The following PCDH15 variants were observed in gnomAD, a reference collection of about 807,000 sequenced individuals.
PCDH15 encodes protocadherin related 15, also known as protocadherin-15.
PCDH15 carries 129 observed loss-of-function variants against 178.5 expected under a neutral mutation model. The observed-to-expected ratio is 0.72, with a 90% confidence interval of 0.63 to 0.84. The LOEUF is 0.84. PCDH15 is among the 40% of genes least tolerant of loss of function. The pLI, the probability that PCDH15 is intolerant of heterozygous loss-of-function variation, is 0.00. For synonymous variants in PCDH15, 800 were observed against 732.0 expected (o/e 1.09, Z -1.50); for missense variants, 2,230 against 2,099.9 (o/e 1.06, Z -1.21).
intron 2 of PCDH15, among the ~76,000 whole-genome samples, chr10:54,618,661 T>G (rs1014500784): frequency 1.3e-5 from 2 of 152,072 alleles, no homozygotes; most frequent in Non-Finnish European, 2.9e-5. Context: ...TCTACTTGAG[T>G]GTGTGTATAT....
chr10:55,522,534 C>A (rs1485380438), intron 2 of PCDH15, among the ~76,000 whole-genome samples: 1 of 151,636 alleles, frequency 6.6e-6, no homozygotes, highest in East Asian at 1.9e-4. Context: ...TTATTATATT[C>A]TCTTAATGAT....
At chr10:54,181,233 T>C (rs552919981) in intron 13 of PCDH15, among the ~76,000 whole-genome samples, 1 of 152,326 alleles carries the variant, frequency 6.6e-6, no homozygotes, top group East Asian at 1.9e-4. Flanking sequence ...GTAGCTCTCA[T>C]GGTCCATCAA....
intron 2 of PCDH15, among the ~76,000 whole-genome samples, chr10:55,085,558 G>T (rs1842148172): frequency 6.6e-6 from 1 of 151,834 alleles, no homozygotes. Context: ...ACCCTGATGT[G>T]ATTATTTTGC....
rs1270961885 is a variant in PCDH15, at chr10:54,183,336, A to C, written c.1590+108T>G. 25 of 1,082,740 alleles carry C rather than the reference A, an allele frequency of 2.3e-5. No homozygotes were observed. In the Admixed American group the frequency reaches 4.1e-4, roughly 18 times the overall value. The allele number at this position is 1,082,740 out of a possible 1,614,324, so 67.1% of individuals were successfully genotyped here. The stretch of plus-strand genomic sequence containing the variant: ...TTTAAACTAATTATGCTATACAATA[A>C]GTGTGAAATCAATTTCTGTTTCTTA... On this transcript the variant is annotated intron_variant, in intron 13 of 37. Transcript: ENST00000644397.
intron 1 of PCDH15, among the ~76,000 whole-genome samples, chr10:54,796,470 GATT>G (rs1396310115): frequency 6.6e-6 from 1 of 150,412 alleles, no homozygotes; most frequent in Admixed American, 6.7e-5. Flanking sequence ...GTTTCATTTT[GATT>G]ATTATTTGTC....
chr10:55,562,648 A>C (rs1842224256), intron 2 of PCDH15, among the ~76,000 whole-genome samples: 1 of 152,022 alleles, frequency 6.6e-6, no homozygotes, highest in African/African-American at 2.4e-5. Flanking sequence ...AGGAGTATGC[A>C]GGCACCCAAA....
At chr10:54,818,820 G>A (rs1163590000) in intron 3 of PCDH15, among the ~76,000 whole-genome samples, 1 of 152,018 alleles carries the variant, frequency 6.6e-6, no homozygotes, top group Non-Finnish European at 1.5e-5. Context: ...CAATTTGATT[G>A]TTGCTTTAAG....
intron 1 of PCDH15, among the ~76,000 whole-genome samples, chr10:55,231,424 T>C (rs1841219817): frequency 2.0e-5 from 3 of 152,028 alleles, no homozygotes; most frequent in African/African-American, 7.2e-5. Context: ...TAACAGGAGT[T>C]GTTTTGAGTA....
At chr10:54,280,472 T>C (rs1191040970) in intron 8 of PCDH15, among the ~76,000 whole-genome samples, 1 of 151,728 alleles carries the variant, frequency 6.6e-6, no homozygotes, top group Admixed American at 6.6e-5. Flanking sequence ...TGGCCCTTTA[T>C]TGTTGGTCTT....
chr10:54,651,127 T>A (rs1446834773), intron 2 of PCDH15, among the ~76,000 whole-genome samples: 1 of 151,830 alleles, frequency 6.6e-6, no homozygotes, highest in Non-Finnish European at 1.5e-5. Context: ...ATTGAGCTTA[T>A]AAATGAGCCC....
chr10:54,007,579 A>T (rs974786772), intron 20 of PCDH15, among the ~76,000 whole-genome samples: 1 of 152,154 alleles, frequency 6.6e-6, no homozygotes, highest in Non-Finnish European at 1.5e-5. Context: ...TGATCATCAC[A>T]GGTTTTGTTT....
chr10:55,326,665 T>G (rs190628292), intron 2 of PCDH15, among the ~76,000 whole-genome samples: 2 of 152,062 alleles, frequency 1.3e-5, no homozygotes, highest in East Asian at 3.9e-4. Flanking sequence ...AAAGAGAAAT[T>G]TAAATTATTT....
intron 2 of PCDH15, among the ~76,000 whole-genome samples, chr10:55,062,905 A>T (rs1185114064): frequency 6.6e-6 from 1 of 152,158 alleles, no homozygotes; most frequent in Non-Finnish European, 1.5e-5. Flanking sequence ...GCTTTAAAAA[A>T]TCTTTAAAAT....
rs376313224 is a variant in PCDH15, at chr10:55,143,069, TC to T, written c.-80+23506del. On this transcript the variant is annotated intron_variant, in intron 2 of 5. Coordinates refer to the PCDH15 transcript ENST00000458638. Reference sequence around the variant, plus strand: ...GCTGATGATTTTAAAGTGTGGCACTTCCCCTGCTCGCGCTCGCGCTCTCTCT... The same window carrying T: ...GCTGATGATTTTAAAGTGTGGCACTTCCCTGCTCGCGCTCGCGCTCTCTCT... 2.6e-3 allele frequency among the ~76,000 whole-genome samples: 392 copies of T among 152,130 alleles called. 2 individuals carry two copies. The highest frequency in any genetic ancestry group is 8.6e-3 in the African/African-American group (356 of 41,516).
chr10:54,982,181 G>C (rs1017644), intron 2 of PCDH15, among the ~76,000 whole-genome samples: 1,524 of 152,150 alleles, frequency 0.01, 30 homozygotes, highest in African/African-American at 0.035. Context: ...TCAATAAAGA[G>C]ACGTAAAGTG....
chr10:54,545,513 G>A lies in PCDH15; in HGVS notation c.92-17636C>T, dbSNP rs377281054. On this transcript the variant is annotated intron_variant, in intron 2 of 37. Coordinates refer to ENST00000644397, the MANE Select transcript of PCDH15 (RefSeq NM_001384140.1). ...GAATTAAAATTATTTTATAATTTTG[G>A]TGTAGCTATAAGTTGTTTCTATATA... Among the ~76,000 whole-genome samples the A allele has an allele frequency of 5.5e-4, 84 of 151,946 alleles. No homozygotes were observed. In the South Asian group the frequency reaches 9.1e-3, roughly 16 times the overall value.
intron 4 of PCDH15, 85 bp from the exon 5 acceptor site, chr10:54,369,360 A>G (rs1448520252): frequency 1.7e-6 from 2 of 1,193,850 alleles, no homozygotes; most frequent in African/African-American, 1.5e-5. Context: ...CATTCAGTAC[A>G]TTTTTCTATT....
At chr10:55,162,553 T>C (rs1327483974) in intron 2 of PCDH15, among the ~76,000 whole-genome samples, 1 of 152,172 alleles carries the variant, frequency 6.6e-6, no homozygotes, top group Non-Finnish European at 1.5e-5. Context: ...TAGTCATTCC[T>C]GGGCATGGGC....
At chr10:54,455,824 A>G (rs1006190505) in intron 3 of PCDH15, among the ~76,000 whole-genome samples, 5 of 152,118 alleles carry the variant, frequency 3.3e-5, no homozygotes, top group African/African-American at 1.2e-4. Context: ...GCCTCAGGAC[A>G]TGGTGCTCTG....
Sources: allele counts gnomAD v4.1 joint callset (sites outside exome capture counted in the v4.1 genomes callset), GRCh38; gene constraint gnomAD v4.1.1; transcripts MANE v1.5; gene names NCBI Gene and HGNC (gene_info 2026-07-23, HGNC 2026-07-21).